ADGRB3: variants seen among roughly 807,000 people sequenced by gnomAD.
ADGRB3 encodes adhesion G protein-coupled receptor B3.
In ADGRB3, 37 loss-of-function variants were observed where a neutral mutation model predicts 193.4. The observed-to-expected ratio is 0.19, with a 90% confidence interval of 0.15 to 0.25. ADGRB3 has a LOEUF of 0.25. Among genes scored for constraint, ADGRB3 ranks in the 10% least tolerant of loss-of-function variants. The pLI is 1.00. For synonymous variants in ADGRB3, 690 were observed against 644.2 expected (o/e 1.07, Z -1.08); for missense variants, 1,637 against 1,852.9 (o/e 0.88, Z 2.14).
At chr6:68,735,169 T>A (rs1765847610) in intron 3 of ADGRB3, among the ~76,000 whole-genome samples, 1 of 152,020 alleles carries the variant, frequency 6.6e-6, no homozygotes, top group Non-Finnish European at 1.5e-5. Context: ...TAGGAGTCAA[T>A]GACATAAGCA....
rs550107771 is a variant in ADGRB3 at position 69,239,923 on chromosome 6, C to CCTCAAA, written c.2814+698_2814+703dup. Among the ~76,000 whole-genome samples the CCTCAAA allele has an allele frequency of 2.6e-5, 4 of 152,162 alleles. 1 individual carries two copies. In the South Asian group the frequency reaches 8.3e-4, roughly 32 times the overall value. On this transcript the variant is annotated intron_variant, in intron 20 of 31. Coordinates refer to ENST00000370598, the MANE Select transcript of ADGRB3 (RefSeq NM_001704.3). ...GCAATTTGAAGTAAACTTACCCCTG[C>CCTCAAA]CTCAAAAGGATTCTGTTAAACACCA...
intron 3 of ADGRB3, among the ~76,000 whole-genome samples, chr6:68,701,709 G>A (rs1185847423): frequency 6.6e-6 from 1 of 152,034 alleles, no homozygotes; most frequent in African/African-American, 2.4e-5. Flanking sequence ...CAAAACAACA[G>A]GACCAAAACA....
chr6:69,113,995 G>A (rs1431493394), intron 17 of ADGRB3, among the ~76,000 whole-genome samples: 4 of 152,130 alleles, frequency 2.6e-5, no homozygotes, highest in Non-Finnish European at 5.9e-5. Flanking sequence ...TGTAAGTCCT[G>A]CAGAGTTTTG....
intron 3 of ADGRB3, among the ~76,000 whole-genome samples, chr6:68,883,798 G>T (rs750417694): frequency 2.0e-5 from 3 of 151,954 alleles, no homozygotes; most frequent in African/African-American, 4.8e-5. Flanking sequence ...CAGGGTCTGC[G>T]GCTTCATTCT....
chr6:69,129,475 A>G (rs1773945481), intron 17 of ADGRB3, among the ~76,000 whole-genome samples: 1 of 152,174 alleles, frequency 6.6e-6, no homozygotes, highest in Admixed American at 6.6e-5. Context: ...AAGAGTTTAA[A>G]AGAGCTTAAA....
Position 68,661,515 on chromosome 6 carries a change from G to GTA in ADGRB3, c.757+22086_757+22087dup, listed in dbSNP as rs1768648476. 3.3e-5 allele frequency among the ~76,000 whole-genome samples: 2 copies of GTA among 60,794 alleles called. 1 individual carries two copies. The highest frequency in any genetic ancestry group is 5.9e-5 in the Non-Finnish European group (2 of 33,842). 39.9% of individuals were successfully genotyped at this position (60,794 alleles called of 152,430 possible). Reference sequence around the variant, plus strand: ...TATGTGTGTATACATATATATGTGTGTATACATATATATATGTGTATACAT... The same window carrying GTA: ...TATGTGTGTATACATATATATGTGTGTATATACATATATATATGTGTATACAT... On this transcript the variant is annotated intron_variant, in intron 3 of 31. Coordinates refer to ENST00000370598, the MANE Select transcript of ADGRB3 (RefSeq NM_001704.3).
At chr6:69,322,251 C>T (rs1022011995) in intron 20 of ADGRB3, among the ~76,000 whole-genome samples, 3 of 151,838 alleles carry the variant, frequency 2.0e-5, no homozygotes, top group African/African-American at 7.2e-5. Flanking sequence ...TTCAGTCTAT[C>T]ATTGTTGGGC....
At chr6:69,177,675 C>T (rs1775464447) in intron 17 of ADGRB3, among the ~76,000 whole-genome samples, 1 of 152,128 alleles carries the variant, frequency 6.6e-6, no homozygotes, top group Admixed American at 6.5e-5. Flanking sequence ...TTATTTCTGC[C>T]TTAAGTTTGT....
intron 17 of ADGRB3, among the ~76,000 whole-genome samples, chr6:69,082,115 A>G (rs1772403699): frequency 6.6e-6 from 1 of 152,062 alleles, no homozygotes; most frequent in African/African-American, 2.4e-5. Flanking sequence ...TACAACTGCA[A>G]AGTTGAGTCA....
intron 17 of ADGRB3, among the ~76,000 whole-genome samples, chr6:69,116,551 C>T (rs1257329612): frequency 6.6e-6 from 1 of 152,000 alleles, no homozygotes; most frequent in Non-Finnish European, 1.5e-5. Context: ...TACATGTAAG[C>T]TAGGAGGGAT....
intron 29 of ADGRB3, among the ~76,000 whole-genome samples, chr6:69,366,948 C>T (rs1277380933): frequency 2.0e-5 from 3 of 151,866 alleles, no homozygotes; most frequent in African/African-American, 7.3e-5. Context: ...GAGAATACAC[C>T]CTATGGCAGA....
intron 28 of ADGRB3, 31 bp downstream of exon 28, chr6:69,355,891 A>C: frequency 6.6e-7 from 1 of 1,520,364 alleles, no homozygotes; most frequent in Non-Finnish European, 9.1e-7. Context: ...AAATCTAATC[A>C]GTAGGGATGT....
chr6:69,349,330 T>C (rs1184380891), intron 26 of ADGRB3, among the ~76,000 whole-genome samples: 4 of 152,210 alleles, frequency 2.6e-5, no homozygotes, highest in African/African-American at 9.6e-5. Context: ...GGTAAAGAGG[T>C]ATAACAATTT....
intron 3 of ADGRB3, among the ~76,000 whole-genome samples, chr6:68,839,577 T>C (rs1321335128): frequency 6.6e-6 from 1 of 152,126 alleles, no homozygotes; most frequent in Admixed American, 6.5e-5. Flanking sequence ...GTGGACTCTG[T>C]CTGTACCTAG....
intron 20 of ADGRB3, among the ~76,000 whole-genome samples, chr6:69,293,337 C>T (rs911322597): frequency 2.0e-5 from 3 of 151,962 alleles, no homozygotes; most frequent in African/African-American, 4.8e-5. Context: ...TTCCTAGACC[C>T]GAGGCTTGGC....
intron 13 of ADGRB3, among the ~76,000 whole-genome samples, chr6:69,023,860 TA>T (rs2150289695): frequency 6.6e-6 from 1 of 152,240 alleles, no homozygotes; most frequent in African/African-American, 2.4e-5. Context: ...TGTCTGAGGC[TA>T]GAATTGATAG....
At chr6:69,061,043 C>T (rs1771732678) in intron 15 of ADGRB3, among the ~76,000 whole-genome samples, 1 of 151,518 alleles carries the variant, frequency 6.6e-6, no homozygotes, top group Admixed American at 6.6e-5. Context: ...ATGTACTGTA[C>T]CTTCAATTGA....
chr6:69,048,933 G>A (rs372851308), intron 14 of ADGRB3, among the ~76,000 whole-genome samples: 18 of 152,010 alleles, frequency 1.2e-4, no homozygotes, highest in Non-Finnish European at 2.2e-4. Context: ...AAGTGACATC[G>A]TACTCACTTT....
intron 3 of ADGRB3, among the ~76,000 whole-genome samples, chr6:68,758,884 C>T (rs950638063): frequency 4.6e-5 from 7 of 152,112 alleles, no homozygotes; most frequent in Non-Finnish European, 1.0e-4. Flanking sequence ...TTGTTTCATT[C>T]CTTTTTGAAT....
Sources: gnomAD v4.1 joint callset for allele counts (sites outside exome capture counted in the v4.1 genomes callset) on GRCh38, gnomAD v4.1.1 for gene constraint, MANE v1.5 for transcripts, NCBI Gene and HGNC (gene_info 2026-07-23, HGNC 2026-07-21) for gene names.